CUX2: variants seen among roughly 807,000 people sequenced by gnomAD.
CUX2 encodes cut like homeobox 2, also known as homeobox protein cut-like 2.
Under a neutral mutation model 144.8 loss-of-function variants are expected in CUX2, and 40 were observed. The ratio of observed to expected loss-of-function variants is 0.28; its 90% confidence interval spans 0.21 to 0.36. CUX2 has a LOEUF of 0.36. Among genes scored for constraint, CUX2 ranks in the 10% least tolerant of loss-of-function variants. The pLI is 1.00. For synonymous variants in CUX2, 827 were observed against 875.6 expected (o/e 0.94, Z 0.98); for missense variants, 1,615 against 1,994.0 (o/e 0.81, Z 3.62).
intron 3 of CUX2, among the ~76,000 whole-genome samples, chr12:111,256,814 T>G (rs986922238): frequency 6.6e-6 from 1 of 152,080 alleles, no homozygotes; most frequent in Non-Finnish European, 1.5e-5. Context: ...ATCCTAAAGG[T>G]GTGCTTGGGG....
At chr12:111,254,152 G>A (rs1461263101) in intron 3 of CUX2, among the ~76,000 whole-genome samples, 5 of 151,998 alleles carry the variant, frequency 3.3e-5, no homozygotes, top group Non-Finnish European at 5.9e-5. Flanking sequence ...AGATGCTGAC[G>A]GATGCGTGGG....
chr12:111,262,379 CTTT>C (rs5800924), intron 3 of CUX2, among the ~76,000 whole-genome samples: 3 of 139,560 alleles, frequency 2.1e-5, no homozygotes, highest in African/African-American at 2.7e-5. Flanking sequence ...TGTAATGGAT[CTTT>C]TTTTTTTTTT....
chr12:111,135,648 C>T (rs1435851365), intron 1 of CUX2, among the ~76,000 whole-genome samples: 1 of 152,146 alleles, frequency 6.6e-6, no homozygotes, highest in Non-Finnish European at 1.5e-5. Context: ...ATTATTCAGC[C>T]ATGAAAAAGA....
chr12:111,239,991 G>A (rs1235319106), intron 3 of CUX2, among the ~76,000 whole-genome samples: 1 of 152,256 alleles, frequency 6.6e-6, no homozygotes, highest in Non-Finnish European at 1.5e-5. Context: ...ATGCGGCCAA[G>A]TGAGCTTCAC....
Position 111,307,285 on chromosome 12 carries a change from C to T in CUX2, c.1109+28C>T, listed in dbSNP as rs1423228674. On this transcript the variant is annotated intron_variant, in intron 12 of 21. Coordinates refer to ENST00000261726, the MANE Select transcript of CUX2 (RefSeq NM_015267.4). This position sits in a 1 kb window ranked among gnomAD's most constrained non-coding sequence, Gnocchi z 4.1. ...ACCATGTGGGGTGGGGCTCCACAGA[C>T]CCTCAGTGCTCTTCCCTGGCCAGGA... The T allele has an allele frequency of 1.9e-6, 3 of 1,601,398 alleles. No homozygotes were observed. Among genetic ancestry groups the T allele is most frequent in the Non-Finnish European group, 2.6e-6 (3 of 1,169,280 alleles).
At chr12:111,284,406 T>C (rs1290549187) in intron 4 of CUX2, among the ~76,000 whole-genome samples, 1 of 152,166 alleles carries the variant, frequency 6.6e-6, no homozygotes, top group Non-Finnish European at 1.5e-5. Context: ...CAAAGCAGCC[T>C]GGTCCAGGAG....
intron 1 of CUX2, among the ~76,000 whole-genome samples, chr12:111,122,722 G>T (rs1287138046): frequency 6.6e-6 from 1 of 152,170 alleles, no homozygotes; most frequent in Non-Finnish European, 1.5e-5. Flanking sequence ...CTGCCAATTT[G>T]CACGAGCAAT....
rs984417871 is a variant in CUX2 at position 111,035,480 on chromosome 12, A to G, written c.63+1240A>G. Reference sequence around the variant, plus strand: ...GGCCCCCCAGCCTTGGAGTCTCGCAAAGTCTCGGCGGGTGCGGCGGGGATC... The same window carrying G: ...GGCCCCCCAGCCTTGGAGTCTCGCAGAGTCTCGGCGGGTGCGGCGGGGATC... On this transcript the variant is annotated intron_variant, in intron 1 of 21. Transcript: ENST00000261726. This position sits in a 1 kb window ranked among gnomAD's most constrained non-coding sequence, Gnocchi z 6.0. Among the ~76,000 whole-genome samples the G allele has an allele frequency of 6.6e-6, 1 of 151,832 alleles. No homozygotes were observed. Among genetic ancestry groups the G allele is most frequent in the Non-Finnish European group, 1.5e-5 (1 of 67,960 alleles).
chr12:111,327,957 A>G (rs186499342), intron 18 of CUX2, among the ~76,000 whole-genome samples: 142 of 152,262 alleles, frequency 9.3e-4, no homozygotes, highest in Middle Eastern at 6.8e-3. Flanking sequence ...CCAGCTACTC[A>G]GGAGGCTGAG....
Position 111,194,775 on chromosome 12 carries a change from C to T in CUX2, c.64-19425C>T, listed in dbSNP as rs138942329. ...GGTGCTTAAAGCATATTTGAATGAG[C>T]GTGTCTTCAGACGAGAGGCTGATTA... On this transcript the variant is annotated intron_variant, in intron 1 of 21. Transcript: ENST00000261726. 5.9e-5 allele frequency among the ~76,000 whole-genome samples: 9 copies of T among 152,328 alleles called. No individual in the cohort carries two copies. The East Asian group carries it at 1.5e-3, about 26-fold the overall frequency.
intron 1 of CUX2, among the ~76,000 whole-genome samples, chr12:111,140,765 G>A (rs758264248): frequency 2.6e-5 from 4 of 152,214 alleles, no homozygotes; most frequent in Non-Finnish European, 5.9e-5. Flanking sequence ...ACGTGAACTC[G>A]AAAGCTGTGT....
intron 1 of CUX2, among the ~76,000 whole-genome samples, chr12:111,205,938 G>A (rs1482975563): frequency 6.6e-6 from 1 of 152,218 alleles, no homozygotes; most frequent in African/African-American, 2.4e-5. Context: ...TCTAGGCACT[G>A]AGGATATCTT....
chr12:111,227,635 T>C (rs888948051), intron 3 of CUX2, among the ~76,000 whole-genome samples: 2 of 152,074 alleles, frequency 1.3e-5, no homozygotes, highest in African/African-American at 4.8e-5. Context: ...TCCTGCGCAC[T>C]CTGGCTTTCT....
intron 1 of CUX2, among the ~76,000 whole-genome samples, chr12:111,183,671 G>C (rs977380586): frequency 2.6e-5 from 4 of 152,204 alleles, no homozygotes; most frequent in African/African-American, 9.7e-5. Flanking sequence ...TCTCCATCCT[G>C]CAGGTAGGGC....
rs1298286880 is a variant in CUX2, at chr12:111,293,469, G to C, written c.460G>C (p.Ala154Pro). The change falls in exon 6 of 22, where the codon GCC becomes CCC. Residue 154 changes from alanine to proline, a missense_variant. Ala to Pro is a conservative substitution (Grantham distance 27). Transcript: ENST00000261726. This position sits in a 1 kb window ranked among gnomAD's most constrained non-coding sequence, Gnocchi z 4.5. The part of the protein sequence containing the change: ...PKEQREGTSP[A>P]GPTLTEGSRL... ...AGAGCAGAGAGAGGGGACGTCGCCT[G>C]CCGGGCCCACGCTGACCGAGGGAAG... The C allele has an allele frequency of 6.2e-7, 1 of 1,608,506 alleles. No individual in the cohort carries two copies. Among genetic ancestry groups the C allele is most frequent in the Non-Finnish European group, 8.5e-7 (1 of 1,178,534 alleles).
In CUX2 at chr12:111,060,227, T is replaced by C. The variant is rs376726610; in HGVS notation, c.63+25987T>C. 2.8e-4 allele frequency among the ~76,000 whole-genome samples: 43 copies of C among 152,296 alleles called. 1 individual carries two copies. In the South Asian group the frequency reaches 8.9e-3, roughly 32 times the overall value. On this transcript the variant is annotated intron_variant, in intron 1 of 21. Transcript: ENST00000261726. ...CCCTCACCCTCATCCAATCCCACCA[T>C]GTCATCTCTTATAAACTTCCTCGTC...
chr12:111,259,827 G>A (rs1169288464), intron 3 of CUX2, among the ~76,000 whole-genome samples: 3 of 151,550 alleles, frequency 2.0e-5, no homozygotes, highest in Non-Finnish European at 4.4e-5. Flanking sequence ...TAAGAAGTGG[G>A]TGAATTTAAT....
intron 3 of CUX2, among the ~76,000 whole-genome samples, chr12:111,256,880 G>A (rs1435815954): frequency 1.3e-5 from 2 of 152,116 alleles, no homozygotes; most frequent in African/African-American, 2.4e-5. Context: ...TTAGAACTTG[G>A]CACAGAGTGG....
intron 16 of CUX2, among the ~76,000 whole-genome samples, chr12:111,317,882 C>A (rs1887277535): frequency 6.6e-6 from 1 of 152,068 alleles, no homozygotes; most frequent in Admixed American, 6.6e-5. Context: ...TGCCTGTAAT[C>A]CCAGCTACTC....
Sources: allele counts gnomAD v4.1 joint callset (sites outside exome capture counted in the v4.1 genomes callset), GRCh38; gene constraint gnomAD v4.1.1; non-coding constraint Gnocchi (gnomAD v3.1); transcripts MANE v1.5; gene names NCBI Gene and HGNC (gene_info 2026-07-23, HGNC 2026-07-21).